Variants in ZNF730 observed in about 807,000 individuals in gnomAD.
ZNF730 encodes the protein zinc finger protein 730.
In ZNF730, 12 loss-of-function variants were observed where a neutral mutation model predicts 12.6. The observed-to-expected ratio is 0.95, with a 90% CI of 0.61 to 1.54. The LOEUF is 1.54. Ranked by LOEUF, ZNF730 falls within the 40% of genes most tolerant of loss-of-function variation. The pLI, the probability that ZNF730 is intolerant of heterozygous loss-of-function variation, is 0.00. For synonymous variants in ZNF730, 194 were observed against 195.8 expected, an observed-to-expected ratio of 0.99 and a Z score of 0.08; for missense variants, 643 against 583.5, an observed-to-expected ratio of 1.10 and a Z score of -1.05.
chr19:23,092,451 T>A, intron 1 of ZNF730, among the ~76,000 whole-genome samples: 1 of 151,098 alleles, frequency 6.6e-6, no homozygotes, highest in East Asian at 2.0e-4. Flanking sequence ...TAGCTGGGCA[T>A]GGTGGTGCAT....
chr19:23,128,359 G>A (rs1372718653), intron 1 of ZNF730: 2 of 510,702 alleles, frequency 3.9e-6, no homozygotes, highest in African/African-American at 1.9e-5. Context: ...AAACAAAAGC[G>A]TAACTCCAGA....
rs769148830 is a variant in ZNF730, at chr19:23,134,057, G to A, written c.4-23G>A. The A allele has an allele frequency of 2.9e-5, 46 of 1,611,568 alleles. No homozygotes were observed. In the Admixed American group the frequency reaches 7.2e-4, roughly 25 times the overall value. On this transcript the variant is annotated intron_variant, in intron 1 of 3. Transcript: ENST00000597761. ...CTGCCCAGGGGCACTTGGTAAATATGTGTGTTTGTTTGTGTTTTTCAGGGA... is the reference window on the plus strand; with the variant it reads ...CTGCCCAGGGGCACTTGGTAAATATATGTGTTTGTTTGTGTTTTTCAGGGA...
intron 1 of ZNF730, among the ~76,000 whole-genome samples, chr19:23,125,067 G>A (rs1970645454): frequency 6.6e-6 from 1 of 152,126 alleles, no homozygotes; most frequent in South Asian, 2.1e-4. Context: ...GAGTTTCCCT[G>A]CACAAGCTCT....
Position 23,145,970 on chromosome 19 carries a change from A to C in ZNF730, c.926A>C (p.Glu309Ala). The stretch of plus-strand genomic sequence containing the variant: ...GAACATAAGAAAATTCATACTAAAG[A>C]GCAACCATACAAATGCGAAAAATGT... ...LTEHKKIHTK[E>A]QPYKCEKCGK... Residue 309 changes from glutamate (E) to alanine (A), a missense_variant, in exon 4 of 4, where the codon GAG becomes GCG. Transcript: ENST00000597761. The C allele has an allele frequency of 6.2e-7, 1 of 1,607,720 alleles. No individual in the cohort carries two copies. The highest frequency in any genetic ancestry group is 8.5e-7 in the Non-Finnish European group (1 of 1,178,318).
intron 1 of ZNF730, among the ~76,000 whole-genome samples, chr19:23,100,627 ATTCTTTTTTTTTTTTTTTTTTTTTTTTTT>A (rs1178807197): frequency 8.9e-6 from 1 of 112,610 alleles, no homozygotes; most frequent in Non-Finnish European, 1.7e-5. Flanking sequence ...TTGGATGGTG[ATTCTTTTTTTTTTTTTTTTTTTTTTTTTT>A]TTTTTTTTTT....
At chr19:23,088,893 A>G (rs1485560132) in intron 1 of ZNF730, among the ~76,000 whole-genome samples, 1 of 151,746 alleles carries the variant, frequency 6.6e-6, no homozygotes, top group African/African-American at 2.4e-5. Flanking sequence ...GGTTTTTGAG[A>G]TGGAGTTTCT....
At chr19:23,111,027 G>A (rs1970455310) in intron 1 of ZNF730, among the ~76,000 whole-genome samples, 1 of 152,132 alleles carries the variant, frequency 6.6e-6, no homozygotes, top group East Asian at 1.9e-4. Context: ...GTGGACTCTT[G>A]GAGAACCTAG....
chr19:23,086,420 T>A (rs1970065646), intron 1 of ZNF730, among the ~76,000 whole-genome samples: 1 of 152,128 alleles, frequency 6.6e-6, no homozygotes, highest in African/African-American at 2.4e-5. Flanking sequence ...TCTTTCAGGG[T>A]TTTTATAGTT....
In ZNF730 at chr19:23,142,087, C is replaced by T. The variant is rs79505395; in HGVS notation, c.227-3184C>T. ...ACACACACACATACACAGAAACACA[C>T]GTGTATATACAAATGTTTCATAGGT... On this transcript the variant is annotated intron_variant, in intron 3 of 3. Coordinates refer to ENST00000597761, the MANE Select transcript of ZNF730 (RefSeq NM_001277403.2). Among the ~76,000 whole-genome samples the T allele has an allele frequency of 3.1e-3, 477 of 152,166 alleles. 1 individual carries two copies. The highest frequency in any genetic ancestry group is 5.4e-3 in the South Asian group (26 of 4,820).
chr19:23,114,681 A>G (rs1021720067), upstream of ZNF730, among the ~76,000 whole-genome samples: 5 of 152,010 alleles, frequency 3.3e-5, no homozygotes, highest in African/African-American at 4.8e-5. Flanking sequence ...GAAGTTTTCA[A>G]ATGTATTCTC....
chr19:23,090,275 G>T (rs150488972), intron 1 of ZNF730, among the ~76,000 whole-genome samples: 213 of 152,128 alleles, frequency 1.4e-3, no homozygotes, highest in African/African-American at 4.9e-3. Context: ...CAGCTGAGGT[G>T]GTCTCAGATG....
intron 1 of ZNF730, among the ~76,000 whole-genome samples, chr19:23,081,518 CCA>C (rs1969966244): frequency 1.3e-5 from 2 of 152,058 alleles, no homozygotes; most frequent in African/African-American, 4.8e-5. Context: ...TGGGGTTTCA[CCA>C]TGTTGGCCAG....
At position 23,080,010 on chromosome 19, in the gene ZNF730, A is replaced by G. The variant is rs568729489; in HGVS notation, c.-94+4623A>G. ...TCCCAGGCTGGAGTGCAGTGGCGCCATCTTGGCTAACTGCAACCTCTGCTT... is the reference window on the plus strand; with the variant it reads ...TCCCAGGCTGGAGTGCAGTGGCGCCGTCTTGGCTAACTGCAACCTCTGCTT... On this transcript the variant is annotated intron_variant, in intron 1 of 2. Transcript: ENST00000593635. Among the ~76,000 whole-genome samples, 9 of 152,220 alleles carry G rather than the reference A, an allele frequency of 5.9e-5. 1 individual carries two copies. The South Asian group carries it at 1.9e-3, about 32-fold the overall frequency.
In ZNF730 at chr19:23,129,572, T is replaced by C. The variant is rs1329253376; in HGVS notation, c.4-4508T>C. ...TGACTGTATTTACCCAATGCTTGTATCCCCCCCCCCATTATATCAGGGAAG... is the reference window on the plus strand; with the variant it reads ...TGACTGTATTTACCCAATGCTTGTACCCCCCCCCCCATTATATCAGGGAAG... On this transcript the variant is annotated intron_variant, in intron 1 of 3. Coordinates refer to ENST00000597761, the MANE Select transcript of ZNF730 (RefSeq NM_001277403.2). 8.7e-5 allele frequency among the ~76,000 whole-genome samples: 12 copies of C among 138,540 alleles called. No homozygotes were observed. In the East Asian group the frequency reaches 1.5e-3, roughly 17 times the overall value. The allele number at this position is 138,540 out of a possible 152,430, so 90.9% of individuals were successfully genotyped here.
chr19:23,093,274 C>T (rs1325443716), intron 1 of ZNF730, among the ~76,000 whole-genome samples: 6 of 152,226 alleles, frequency 3.9e-5, no homozygotes, highest in Admixed American at 3.9e-4. Context: ...CTGCGCCCAG[C>T]CTGTCGTTAA....
intron 1 of ZNF730, chr19:23,095,556 G>T (rs1970234946): frequency 2.5e-6 from 1 of 397,586 alleles, no homozygotes; most frequent in Non-Finnish European, 4.4e-6. Context: ...TCTGCCCTCA[G>T]AGGACATTGT....
chr19:23,087,411 G>GA (rs1031226020), intron 1 of ZNF730, among the ~76,000 whole-genome samples: 1 of 150,740 alleles, frequency 6.6e-6, no homozygotes, highest in Non-Finnish European at 1.5e-5. Flanking sequence ...CCGTCTCAAA[G>GA]AAAAAAAAGA....
chr19:23,126,060 A>G (rs1267227091), intron 1 of ZNF730, among the ~76,000 whole-genome samples: 1 of 152,246 alleles, frequency 6.6e-6, no homozygotes, highest in Non-Finnish European at 1.5e-5. Flanking sequence ...AATATTCAGT[A>G]GTTAAAAATA....
intron 1 of ZNF730, among the ~76,000 whole-genome samples, chr19:23,086,047 C>T (rs569886426): frequency 2.6e-5 from 4 of 151,690 alleles, no homozygotes; most frequent in African/African-American, 2.4e-5. Flanking sequence ...GTTTCACCGT[C>T]GTGGCCAGGC....
Sources: gnomAD v4.1 joint callset for allele counts (sites outside exome capture counted in the v4.1 genomes callset) on GRCh38, gnomAD v4.1.1 for gene constraint, MANE v1.5 for transcripts, NCBI Gene and HGNC (gene_info 2026-07-23, HGNC 2026-07-21) for gene names.